JAZF1: variants seen among roughly 807,000 people sequenced by gnomAD.
The protein encoded by JAZF1 is JAZF zinc finger 1.
In JAZF1, 8 loss-of-function variants were observed where a neutral mutation model predicts 26.4. That is an observed-to-expected ratio of 0.30 (90% CI 0.18 to 0.55). The LOEUF is 0.55. Ranked by LOEUF, JAZF1 falls within the 20% of genes least tolerant of loss-of-function variation. The pLI is 0.94. For synonymous variants in JAZF1, 126 were observed against 122.3 expected (o/e 1.03, Z -0.20); for missense variants, 199 against 322.0 (o/e 0.62, Z 2.92).
At chr7:28,179,428 C>T (rs1035613373) in intron 1 of JAZF1, among the ~76,000 whole-genome samples, 6 of 152,172 alleles carry the variant, frequency 3.9e-5, no homozygotes, top group East Asian at 1.9e-4. Flanking sequence ...GCCCCCTCCC[C>T]GGCGTCTCCC....
chr7:28,057,387 G>A (rs1783729322), intron 1 of JAZF1, among the ~76,000 whole-genome samples: 1 of 152,194 alleles, frequency 6.6e-6, no homozygotes, highest in South Asian at 2.1e-4. Context: ...GGCATGTTAA[G>A]AGTGATAATA....
At chr7:27,837,161 T>C (rs1024949738) in intron 4 of JAZF1, among the ~76,000 whole-genome samples, 6 of 152,044 alleles carry the variant, frequency 3.9e-5, no homozygotes, top group Non-Finnish European at 8.8e-5. Context: ...TAACATTTCT[T>C]AAAACAAAAC....
rs1036987381 is a variant in JAZF1 at position 27,840,237 on chromosome 7, A to G, written c.555+461T>C. On this transcript the variant is annotated intron_variant, in intron 4 of 4. Coordinates refer to ENST00000283928, the MANE Select transcript of JAZF1 (RefSeq NM_175061.4). The surrounding 1 kb of genome is among the most constrained non-coding windows in gnomAD (Gnocchi z 5.1). ...AAGAACTTCCTCAGCTGGAAGCTAAATACCCTCCACACTCACCAAATGGCT... is the reference window on the plus strand; with the variant it reads ...AAGAACTTCCTCAGCTGGAAGCTAAGTACCCTCCACACTCACCAAATGGCT... 6.6e-6 allele frequency among the ~76,000 whole-genome samples: 1 copy of G among 152,226 alleles called. No individual in the cohort carries two copies. Among genetic ancestry groups the G allele is most frequent in the Middle Eastern group, 3.2e-3 (1 of 316 alleles).
At chr7:28,135,428 G>A (rs1246541742) in intron 1 of JAZF1, among the ~76,000 whole-genome samples, 1 of 152,186 alleles carries the variant, frequency 6.6e-6, no homozygotes, top group African/African-American at 2.4e-5. Context: ...TCTTATGTCA[G>A]TTAATTGCTT....
At chr7:28,123,119 A>G (rs544144518) in intron 1 of JAZF1, among the ~76,000 whole-genome samples, 218 of 151,882 alleles carry the variant, frequency 1.4e-3, no homozygotes, top group Middle Eastern at 0.01. Flanking sequence ...TCTCTCCTCT[A>G]GCCACACTGC....
intron 3 of JAZF1, among the ~76,000 whole-genome samples, chr7:27,854,669 C>CT (rs1364726245): frequency 6.6e-6 from 1 of 152,148 alleles, no homozygotes; most frequent in Non-Finnish European, 1.5e-5. Flanking sequence ...CTGAAAATTC[C>CT]TTTCTTTAAG....
chr7:27,977,297 T>A (rs1396384461), intron 2 of JAZF1, among the ~76,000 whole-genome samples: 1 of 152,250 alleles, frequency 6.6e-6, no homozygotes, highest in Non-Finnish European at 1.5e-5. Context: ...TCTAGACTTA[T>A]ACTTTATTAG....
chr7:28,084,686 C>A (rs1242900458), intron 1 of JAZF1, among the ~76,000 whole-genome samples: 1 of 152,200 alleles, frequency 6.6e-6, no homozygotes, highest in South Asian at 2.1e-4. Flanking sequence ...CATTGCCATG[C>A]CCAGGAGGGA....
chr7:27,923,415 C>T (rs191948681), intron 2 of JAZF1, among the ~76,000 whole-genome samples: 158 of 152,300 alleles, frequency 1.0e-3, no homozygotes, highest in Non-Finnish European at 1.9e-3. Flanking sequence ...CCTGTGGGAT[C>T]GTCTCCACAC....
At chr7:28,003,568 T>C (rs1037744814) in intron 1 of JAZF1, among the ~76,000 whole-genome samples, 3 of 152,212 alleles carry the variant, frequency 2.0e-5, no homozygotes, top group Non-Finnish European at 4.4e-5. Context: ...ACAACTTCCA[T>C]CACCCAATAC....
At chr7:28,094,758 A>G (rs1196001510) in intron 1 of JAZF1, among the ~76,000 whole-genome samples, 4 of 152,082 alleles carry the variant, frequency 2.6e-5, no homozygotes, top group African/African-American at 9.7e-5. Context: ...CTTTTTAAAA[A>G]TTATTATTTT....
chr7:27,875,442 T>G (rs1783661496), intron 3 of JAZF1, among the ~76,000 whole-genome samples: 2 of 152,296 alleles, frequency 1.3e-5, no homozygotes, highest in South Asian at 4.2e-4. Flanking sequence ...TTCCCCTGTT[T>G]AAAACCCTCC....
chr7:27,879,438 G>C (rs927748214), intron 3 of JAZF1, among the ~76,000 whole-genome samples: 3 of 152,164 alleles, frequency 2.0e-5, no homozygotes, highest in African/African-American at 4.8e-5. Flanking sequence ...ATCATGAACA[G>C]AGAGGGAAAT....
intron 2 of JAZF1, among the ~76,000 whole-genome samples, chr7:27,934,484 CA>C (rs1367035885): frequency 6.0e-4 from 91 of 152,138 alleles, no homozygotes; most frequent in Middle Eastern, 3.4e-3. Flanking sequence ...CACACACACA[CA>C]CCCCATATAT....
At chr7:28,065,981 G>A (rs945470389) in intron 1 of JAZF1, among the ~76,000 whole-genome samples, 2 of 152,140 alleles carry the variant, frequency 1.3e-5, no homozygotes, top group African/African-American at 4.8e-5. Flanking sequence ...AACTTGCCAA[G>A]AGCACAGTTA....
chr7:28,045,171 G>A (rs1783475599), intron 1 of JAZF1, among the ~76,000 whole-genome samples: 1 of 151,984 alleles, frequency 6.6e-6, no homozygotes. Flanking sequence ...GCAGGAGGTG[G>A]GGGTGGGGAT....
At chr7:27,921,994 G>A (rs935554956) in intron 2 of JAZF1, among the ~76,000 whole-genome samples, 3 of 152,254 alleles carry the variant, frequency 2.0e-5, no homozygotes, top group East Asian at 3.9e-4. Flanking sequence ...GTTTTCATTC[G>A]AATGAATGAA....
chr7:28,080,103 C>G (rs1784112391), intron 1 of JAZF1, among the ~76,000 whole-genome samples: 1 of 152,222 alleles, frequency 6.6e-6, no homozygotes, highest in South Asian at 2.1e-4. Flanking sequence ...CAAGCTAGAT[C>G]TTCTGGATAA....
intron 1 of JAZF1, among the ~76,000 whole-genome samples, chr7:27,995,651 T>C (rs1786000349): frequency 6.6e-6 from 1 of 152,196 alleles, no homozygotes; most frequent in African/African-American, 2.4e-5. Context: ...TTCTAAAACA[T>C]AGCATTCTTG....
Sources: gnomAD v4.1 joint callset for allele counts (sites outside exome capture counted in the v4.1 genomes callset) on GRCh38, gnomAD v4.1.1 for gene constraint, Gnocchi (gnomAD v3.1) non-coding constraint, MANE v1.5 for transcripts, NCBI Gene and HGNC (gene_info 2026-07-23, HGNC 2026-07-21) for gene names.